ADAP1: variants seen among roughly 807,000 people sequenced by gnomAD.
ADAP1 encodes arf-GAP with dual PH domain-containing protein 1.
In ADAP1, 31 loss-of-function variants were observed where a neutral mutation model predicts 54.9. The observed-to-expected ratio is 0.56, with a 90% CI of 0.42 to 0.76. The LOEUF is 0.76. ADAP1 is among the 30% of genes least tolerant of loss of function. ADAP1 has a pLI of 0.00. For synonymous variants in ADAP1, 313 were observed against 202.6 expected (o/e 1.55, Z -4.63); for missense variants, 535 against 512.4 (o/e 1.04, Z -0.42).
At chr7:954,282 C>T in intron 1 of ADAP1, 114 bp downstream of exon 1, 3 of 942,118 alleles carry the variant, frequency 3.2e-6, no homozygotes, top group South Asian at 4.7e-5. Context: ...GCGCCGCCAC[C>T]CCCGCGGCGT....
intron 4 of ADAP1, among the ~76,000 whole-genome samples, chr7:913,259 GGC>G (rs1845798085): frequency 1.4e-5 from 2 of 144,294 alleles, no homozygotes; most frequent in South Asian, 4.4e-4. Flanking sequence ...GGAGTTTAGT[GGC>G]GTGATCTCCA....
At chr7:942,069 G>C (rs554127983) in intron 1 of ADAP1, among the ~76,000 whole-genome samples, 1 of 152,146 alleles carries the variant, frequency 6.6e-6, no homozygotes, top group Non-Finnish European at 1.5e-5. Context: ...TCCTACCAAC[G>C]GTGCTGGAAC....
At chr7:931,398 G>A (rs1286619657) in intron 2 of ADAP1, among the ~76,000 whole-genome samples, 1 of 152,240 alleles carries the variant, frequency 6.6e-6, no homozygotes, top group Non-Finnish European at 1.5e-5. Context: ...CTCCGGCCTT[G>A]AAAGGAACGA....
chr7:950,602 A>T (rs1051939185), intron 1 of ADAP1, among the ~76,000 whole-genome samples: 1 of 152,098 alleles, frequency 6.6e-6, no homozygotes, highest in African/African-American at 2.4e-5. Context: ...CATGCCTGTA[A>T]TCCCAGCCAT....
At position 941,681 on chromosome 7, in the gene ADAP1, G is replaced by A. The variant is rs778813286; in HGVS notation, c.83-6176C>T. On this transcript the variant is annotated intron_variant, in intron 1 of 10. Transcript: ENST00000265846. ...GATTTTGGAAAGAGATAACGTTTTC[G>A]TGGGATGGGAGACTCAACATTAATA... Among the ~76,000 whole-genome samples the A allele has an allele frequency of 7.2e-5, 11 of 152,276 alleles. No individual in the cohort carries two copies. In the East Asian group the frequency reaches 7.7e-4, roughly 11 times the overall value.
chr7:926,423 G>A lies in ADAP1; in HGVS notation c.305+130C>T, dbSNP rs1350233988. 8 of 636,116 alleles carry A rather than the reference G, an allele frequency of 1.3e-5. No homozygotes were observed. Among genetic ancestry groups the A allele is most frequent in the South Asian group, 4.2e-5 (2 of 47,510 alleles). 39.4% of individuals were successfully genotyped at this position (636,116 alleles called of 1,614,324 possible). The stretch of plus-strand genomic sequence containing the variant: ...GGCGGCACCTCGGGGTCTGGGGGAC[G>A]CAGCTGCGGCTGGCTTCTCCCCGAC... On this transcript the variant is annotated intron_variant, in intron 3 of 10. Coordinates refer to ENST00000265846, the MANE Select transcript of ADAP1 (RefSeq NM_006869.4). This position sits in a 1 kb window ranked among gnomAD's most constrained non-coding sequence, Gnocchi z 4.6.
intron 4 of ADAP1, among the ~76,000 whole-genome samples, chr7:913,114 AATGACAGGCATGAGCCCCGG>A (rs1259138839): frequency 2.6e-5 from 4 of 151,742 alleles, no homozygotes; most frequent in Non-Finnish European, 5.9e-5. Flanking sequence ...AGAGTGCTGC[AATGACAGGCATGAGCCCCGG>A]TGCCCGGCCT....
chr7:904,994 C>A, intron 5 of ADAP1, 66 bp downstream of exon 5: 2 of 1,410,110 alleles, frequency 1.4e-6, no homozygotes, highest in Non-Finnish European at 2.0e-6. Context: ...CACCACAGGC[C>A]CCAGTGTGGG....
At position 934,509 on chromosome 7, in the gene ADAP1, G is replaced by A. The variant is rs184522529; in HGVS notation, c.213+866C>T. 2.6e-5 allele frequency among the ~76,000 whole-genome samples: 4 copies of A among 151,958 alleles called. No homozygotes were observed. The East Asian group carries it at 5.8e-4, about 22-fold the overall frequency. ...CAGACCACCACTCTCACCTCCATGC[G>A]GCCCTTCGGTCCCACTCACAGCAGT... On this transcript the variant is annotated intron_variant, in intron 2 of 10. Transcript: ENST00000265846.
chr7:954,409 G>A lies in ADAP1; in HGVS notation c.69C>T (p.Asp23=), dbSNP rs1847338511. ...GCCCACACCTACCCGGGGCGCCGCA[G>A]TCCGCGCAGCGCGCGTTCCCCGGCC... ...LQRPGNARCA[D]CGAPDPDWAS... Residue 23 remains aspartate, a synonymous_variant, in exon 1 of 11, where the codon GAC becomes GAT. Coordinates refer to ENST00000265846, the MANE Select transcript of ADAP1 (RefSeq NM_006869.4). 2.7e-6 allele frequency: 3 copies of A among 1,127,670 alleles called. No homozygotes were observed. Among genetic ancestry groups the A allele is most frequent in the Non-Finnish European group, 3.3e-6 (3 of 909,976 alleles). The allele number at this position is 1,127,670 out of a possible 1,614,324, so 69.9% of individuals were successfully genotyped here. A position where few individuals can be genotyped will look rare whatever the true frequency, so the allele number is the denominator to read the frequency against.
chr7:947,930 TCC>T, intron 1 of ADAP1, among the ~76,000 whole-genome samples: 1 of 55,280 alleles, frequency 1.8e-5, no homozygotes, highest in Non-Finnish European at 3.5e-5. Flanking sequence ...CACACTGGCC[TCC>T]TCACTTCTCC....
At position 926,763 on chromosome 7, in the gene ADAP1, A is replaced by AC. The variant is rs1159727261; in HGVS notation, c.214-120dup. The AC allele has an allele frequency of 1.2e-6, 1 of 834,028 alleles. No individual in the cohort carries two copies. The highest frequency in any genetic ancestry group is 1.8e-6 in the Non-Finnish European group (1 of 559,992). 51.7% of individuals were successfully genotyped at this position (834,028 alleles called of 1,614,324 possible). Reference sequence around the variant, plus strand: ...GCAGACCCAAGGCTCTGAGGGCTCCACCAGCACCAGGACGGGAACGCCACC... The same window carrying AC: ...GCAGACCCAAGGCTCTGAGGGCTCCACCCAGCACCAGGACGGGAACGCCACC... On this transcript the variant is annotated intron_variant, in intron 2 of 10. Coordinates refer to ENST00000265846, the MANE Select transcript of ADAP1 (RefSeq NM_006869.4). This position sits in a 1 kb window ranked among gnomAD's most constrained non-coding sequence, Gnocchi z 4.6.
At chr7:930,846 G>A (rs1434886615) in intron 2 of ADAP1, among the ~76,000 whole-genome samples, 4 of 151,680 alleles carry the variant, frequency 2.6e-5, no homozygotes, top group Non-Finnish European at 5.9e-5. Flanking sequence ...GCACGGTGGT[G>A]TATGCCTGTG....
chr7:909,146 CGGG>C (rs1845606636), intron 4 of ADAP1, among the ~76,000 whole-genome samples: 3 of 145,540 alleles, frequency 2.1e-5, no homozygotes, highest in Admixed American at 6.8e-5. Flanking sequence ...CAGGCGCCAG[CGGG>C]AACCCCGGTC....
At chr7:950,637 A>T (rs1157704745) in intron 1 of ADAP1, among the ~76,000 whole-genome samples, 1 of 151,838 alleles carries the variant, frequency 6.6e-6, no homozygotes, top group African/African-American at 2.4e-5. Context: ...TGGGAGGATG[A>T]CCTGAGGTCA....
At chr7:919,802 T>G (rs1375008991) in intron 4 of ADAP1, among the ~76,000 whole-genome samples, 166 bp downstream of exon 4, 7 of 1,206 alleles carry the variant, frequency 5.8e-3, no homozygotes, top group South Asian at 0.014. Flanking sequence ...GGGAGGGAGA[T>G]GGGGGGAGGG....
At chr7:922,067 G>A (rs1361805724) in intron 3 of ADAP1, among the ~76,000 whole-genome samples, 4 of 152,152 alleles carry the variant, frequency 2.6e-5, no homozygotes, top group Admixed American at 1.3e-4. Context: ...CCTGCCCAGC[G>A]GAGCCCTCCG....
rs775231446 is a variant in ADAP1, at chr7:899,467, G to A, written c.819C>T (p.Arg273=). 6.2e-7 allele frequency: 1 copy of A among 1,613,140 alleles called. No homozygotes were observed. The highest frequency in any genetic ancestry group is 2.2e-5 in the East Asian group (1 of 44,866). The part of the protein sequence containing the change: ...GPKQTEGFRK[R]WFTMDDRRLM... The stretch of plus-strand genomic sequence containing the variant: ...GCCTGCGGTCATCCATGGTGAACCA[G>A]CGCTTCCGGAAGCCTTCCGTTTGCT... The change falls in exon 9 of 11, where the codon CGC becomes CGT. Residue 273 remains arginine, a synonymous_variant. Transcript: ENST00000265846.
rs151338750 is a variant in ADAP1, at chr7:940,970, G to C, written c.83-5465C>G. Among the ~76,000 whole-genome samples the C allele has an allele frequency of 2.3e-4, 35 of 151,868 alleles. No individual in the cohort carries two copies. In the East Asian group the frequency reaches 6.4e-3, roughly 28 times the overall value. On this transcript the variant is annotated intron_variant, in intron 1 of 10. Transcript: ENST00000265846. ...GAATAGAGGGGAATTTCCCCAATTT[G>C]ATATAGAGGATTCAACAGATGCAAA...
Sources: gnomAD v4.1 joint callset for allele counts (sites outside exome capture counted in the v4.1 genomes callset) on GRCh38, gnomAD v4.1.1 for gene constraint, Gnocchi (gnomAD v3.1) non-coding constraint, MANE v1.5 for transcripts, NCBI Gene and HGNC (gene_info 2026-07-23, HGNC 2026-07-21) for gene names.